The following UBAP2L variants were observed in gnomAD, a reference collection of about 807,000 sequenced individuals.
The protein encoded by UBAP2L is ubiquitin associated protein 2 like.
Under a neutral mutation model 130.6 loss-of-function variants are expected in UBAP2L, and 12 were observed. That is an observed-to-expected ratio of 0.09 (90% CI 0.06 to 0.15). UBAP2L has a LOEUF of 0.15. Ranked by LOEUF, UBAP2L falls within the 10% of genes least tolerant of loss-of-function variation. The pLI is 1.00. For missense variants in UBAP2L, 965 were observed against 1,332.5 expected, an observed-to-expected ratio of 0.72 and a Z score of 4.29; for synonymous variants, 503 against 524.7, an observed-to-expected ratio of 0.96 and a Z score of 0.57.
rs185977805 is a variant in UBAP2L, at chr1:154,223,938, A to G, written c.-40-1146A>G. On this transcript the variant is annotated intron_variant, in intron 1 of 26. Coordinates refer to ENST00000428931, the MANE Select transcript of UBAP2L (RefSeq NM_014847.4). ...ACAAGAAAAATTAAATATAGAGCAGAAAAGTATAAACTTACCCTCTTTGGA... is the reference window on the plus strand; with the variant it reads ...ACAAGAAAAATTAAATATAGAGCAGGAAAGTATAAACTTACCCTCTTTGGA... Among the ~76,000 whole-genome samples the G allele has an allele frequency of 6.6e-5, 10 of 152,340 alleles. No homozygotes were observed. The East Asian group carries it at 1.2e-3, about 18-fold the overall frequency.
At chr1:154,247,889 A>G (rs1676050987) in intron 11 of UBAP2L, among the ~76,000 whole-genome samples, 1 of 152,140 alleles carries the variant, frequency 6.6e-6, no homozygotes, top group African/African-American at 2.4e-5. Context: ...ATAGAGCTAA[A>G]TAACATGGGA....
intron 16 of UBAP2L, 31 bp downstream of exon 16, chr1:154,254,921 A>C (rs137955525): frequency 2.5e-6 from 4 of 1,582,918 alleles, no homozygotes; most frequent in Non-Finnish European, 3.4e-6. Flanking sequence ...TCCCCTCCTA[A>C]GTTTCTGGTT....
chr1:154,258,786 C>T (rs1005898733), intron 20 of UBAP2L, 191 bp from the exon 21 acceptor site: 9 of 521,428 alleles, frequency 1.7e-5, no homozygotes, highest in Non-Finnish European at 2.8e-5. Context: ...AGCTTCAAGA[C>T]CTTTCATGAA....
At chr1:154,267,455 G>C (rs569223733) in intron 25 of UBAP2L, among the ~76,000 whole-genome samples, 22 of 150,562 alleles carry the variant, frequency 1.5e-4, no homozygotes, top group Admixed American at 3.3e-4. Context: ...ACCCAGCGGA[G>C]TTACTATTTT....
At chr1:154,226,254 A>G (rs750665083) in intron 2 of UBAP2L, among the ~76,000 whole-genome samples, 4 of 152,228 alleles carry the variant, frequency 2.6e-5, no homozygotes, top group African/African-American at 4.8e-5. Context: ...GGAGCTGGCA[A>G]CTTCACTATG....
rs11412846 is a variant in UBAP2L, at chr1:154,254,816, GTT to G, written c.1855-7_1855-6del. On this transcript the variant is annotated intron_variant, in intron 15 of 26. Coordinates refer to ENST00000428931, the MANE Select transcript of UBAP2L (RefSeq NM_014847.4). The stretch of plus-strand genomic sequence containing the variant: ...GAGTTTGTCTGTTTCTTGCTCTTCT[GTT>G]TTTTTTTTTTTTACCAGAATGGCTT... The G allele has an allele frequency of 1.0e-4, 150 of 1,488,710 alleles. No individual in the cohort carries two copies. Among genetic ancestry groups the G allele is most frequent in the Admixed American group, 4.2e-4 (21 of 49,886 alleles). The allele number at this position is 1,488,710 out of a possible 1,614,324, so 92.2% of individuals were successfully genotyped here.
intron 1 of UBAP2L, among the ~76,000 whole-genome samples, 170 bp from the exon 2 acceptor site, chr1:154,224,913 GC>G (rs1180705371): frequency 6.6e-6 from 1 of 152,172 alleles, no homozygotes; most frequent in Non-Finnish European, 1.5e-5. Flanking sequence ...TGGATTAACA[GC>G]CATAGCTCCT....
intron 8 of UBAP2L, among the ~76,000 whole-genome samples, chr1:154,239,304 A>G (rs1266135896): frequency 6.6e-6 from 1 of 152,090 alleles, no homozygotes; most frequent in Non-Finnish European, 1.5e-5. Flanking sequence ...TTATCCCCCA[A>G]AATTATCCCC....
At chr1:154,220,541 C>G, upstream of UBAP2L, 2 of 875,636 alleles carry the variant, frequency 2.3e-6, no homozygotes, top group Non-Finnish European at 1.8e-6. Context: ...AAGACCAAGC[C>G]AGACCCGGCC....
chr1:154,247,098 T>G (rs554505311), intron 11 of UBAP2L, among the ~76,000 whole-genome samples: 6 of 152,330 alleles, frequency 3.9e-5, no homozygotes, highest in African/African-American at 1.4e-4. Context: ...CTGCTTTTTC[T>G]TTTTTTCTCT....
In UBAP2L at chr1:154,241,502, T is replaced by C; in HGVS notation, c.704-11T>C. The C allele has an allele frequency of 6.2e-7, 1 of 1,613,644 alleles. No homozygotes were observed. The highest frequency in any genetic ancestry group is 8.5e-7 in the Non-Finnish European group (1 of 1,179,638). Reference sequence around the variant, plus strand: ...TAGTGAAGTTACTTCACTATTTTTCTTTATTCTCAGGTGCATGGAGGACTG... The same window carrying C: ...TAGTGAAGTTACTTCACTATTTTTCCTTATTCTCAGGTGCATGGAGGACTG... On this transcript the variant is annotated splice_polypyrimidine_tract_variant and intron_variant, in intron 8 of 26. Coordinates refer to ENST00000428931, the MANE Select transcript of UBAP2L (RefSeq NM_014847.4).
chr1:154,250,190 C>T (rs1271428152), intron 12 of UBAP2L, among the ~76,000 whole-genome samples: 2 of 152,178 alleles, frequency 1.3e-5, no homozygotes, highest in African/African-American at 4.8e-5. Flanking sequence ...TCCTGAGTAG[C>T]TGGGACCACA....
At chr1:154,257,535 C>A in intron 20 of UBAP2L, 101 bp downstream of exon 20, 2 of 1,268,946 alleles carry the variant, frequency 1.6e-6, no homozygotes, top group Non-Finnish European at 2.3e-6. Flanking sequence ...CCAAAACTTG[C>A]ACATACTCAA....
chr1:154,225,356 T>A, intron 2 of UBAP2L, 143 bp downstream of exon 2: 1 of 828,944 alleles, frequency 1.2e-6, no homozygotes, highest in Non-Finnish European at 1.9e-6. Flanking sequence ...TTTTTTTACT[T>A]AGGTCCTGAT....
chr1:154,249,820 C>G (rs1676876209), intron 12 of UBAP2L, among the ~76,000 whole-genome samples: 1 of 150,020 alleles, frequency 6.7e-6, no homozygotes, highest in African/African-American at 2.5e-5. Flanking sequence ...CACCTGTGGT[C>G]CCAGCCCCTA....
At chr1:154,243,789 G>A (rs1240578072) in intron 10 of UBAP2L, among the ~76,000 whole-genome samples, 1 of 152,160 alleles carries the variant, frequency 6.6e-6, no homozygotes, top group East Asian at 1.9e-4. Flanking sequence ...GTTAGTACTA[G>A]TTAATCTGCT....
intron 3 of UBAP2L, 69 bp from the exon 4 acceptor site, chr1:154,228,546 C>G: frequency 1.7e-6 from 2 of 1,201,172 alleles, no homozygotes. Flanking sequence ...TTTCCCTTCA[C>G]CTAGTTTCCT....
chr1:154,227,480 TGA>T, intron 3 of UBAP2L, 121 bp downstream of exon 3: 2 of 815,632 alleles, frequency 2.5e-6, no homozygotes, highest in Non-Finnish European at 3.9e-6. Context: ...AATTTTGACC[TGA>T]AATATAATAG....
At position 154,249,223 on chromosome 1, in the gene UBAP2L, C is replaced by A. The variant is rs749146091; in HGVS notation, c.1015-16C>A. On this transcript the variant is annotated splice_polypyrimidine_tract_variant and intron_variant, in intron 11 of 26. Transcript: ENST00000428931. ...TACTGGCTGTAGGTTTCTCTCATCTCTTTGTTGATCTACAGGTGAGCATGT... is the reference window on the plus strand; with the variant it reads ...TACTGGCTGTAGGTTTCTCTCATCTATTTGTTGATCTACAGGTGAGCATGT... The A allele has an allele frequency of 2.6e-5, 42 of 1,613,354 alleles. No individual in the cohort carries two copies. The South Asian group carries it at 4.5e-4, about 17-fold the overall frequency.
Sources: allele counts gnomAD v4.1 joint callset (sites outside exome capture counted in the v4.1 genomes callset), GRCh38; gene constraint gnomAD v4.1.1; transcripts MANE v1.5; gene names NCBI Gene and HGNC (gene_info 2026-07-23, HGNC 2026-07-21).